The following HEPH variants were observed in gnomAD, a reference collection of about 807,000 sequenced individuals.
HEPH encodes hephaestin.
Under a neutral mutation model 80.8 loss-of-function variants are expected in HEPH, and 69 were observed. That is an observed-to-expected ratio of 0.85 (90% confidence interval 0.70 to 1.04). HEPH has a LOEUF of 1.04. Ranked by LOEUF, HEPH falls within the 50% of genes least tolerant of loss-of-function variation. The pLI, the probability that HEPH is intolerant of heterozygous loss-of-function variation, is 0.00. For missense variants in HEPH, 1,115 were observed against 891.3 expected, an observed-to-expected ratio of 1.25 and a Z score of -3.20; for synonymous variants, 431 against 322.8, an observed-to-expected ratio of 1.34 and a Z score of -3.60.
chrX:66,244,111 C>T (rs1375190299), intron 15 of HEPH, among the ~76,000 whole-genome samples: 2 of 111,389 alleles, frequency 1.8e-5, no homozygotes, highest in Non-Finnish European at 1.9e-5. Context: ...AACATTTTTT[C>T]CTCTATTTTG....
At chrX:66,191,745 T>C (rs1430179007) in intron 6 of HEPH, among the ~76,000 whole-genome samples, 1 of 111,874 alleles carries the variant, frequency 8.9e-6, no homozygotes, top group Non-Finnish European at 1.9e-5. Flanking sequence ...ATTCTCTCCT[T>C]TGGCAAAAGA....
intron 6 of HEPH, among the ~76,000 whole-genome samples, chrX:66,190,609 T>C (rs6624876): frequency 0.37 from 40,574 of 110,842 alleles, 8,033 homozygotes; most frequent in African/African-American, 0.78. Flanking sequence ...ATCCGTAAAA[T>C]GGGAAAGTTG....
intron 15 of HEPH, among the ~76,000 whole-genome samples, chrX:66,214,262 G>C (rs987138564): frequency 8.9e-5 from 10 of 112,142 alleles, no homozygotes; most frequent in African/African-American, 2.9e-4. Context: ...TGGCAGCTTG[G>C]ACCAGCCTGA....
chrX:66,223,948 G>A (rs1002033232), intron 15 of HEPH, among the ~76,000 whole-genome samples: 2 of 111,221 alleles, frequency 1.8e-5, no homozygotes, highest in African/African-American at 6.5e-5. Flanking sequence ...GACTTTCACA[G>A]ACAATTCTTC....
intron 6 of HEPH, among the ~76,000 whole-genome samples, chrX:66,190,831 C>T (rs1411685266): frequency 1.8e-5 from 2 of 111,386 alleles, no homozygotes; most frequent in African/African-American, 6.5e-5. Context: ...CAGGGTATGT[C>T]TTAGCCCCAA....
At chrX:66,222,931 G>C (rs902119124) in intron 15 of HEPH, among the ~76,000 whole-genome samples, 1 of 111,934 alleles carries the variant, frequency 8.9e-6, no homozygotes, top group Non-Finnish European at 1.9e-5. Context: ...AGATGAAAGA[G>C]TTAAATTTTT....
chrX:66,245,340 A>G (rs1437429954), intron 15 of HEPH, among the ~76,000 whole-genome samples: 2 of 111,641 alleles, frequency 1.8e-5, no homozygotes, highest in Non-Finnish European at 1.9e-5. Flanking sequence ...CTAGTCTCTG[A>G]TAAAACAGAC....
intron 15 of HEPH, among the ~76,000 whole-genome samples, chrX:66,252,328 T>C (rs2091032423): frequency 8.9e-6 from 1 of 111,807 alleles, no homozygotes; most frequent in African/African-American, 3.2e-5. Context: ...TGCAGTTGAA[T>C]AAGTCTTGAA....
chrX:66,203,391 G>A lies in HEPH; in HGVS notation c.2105G>A (p.Gly702Asp). ...ACATTTGAGATTTATTGCCAGGCAGGCAGCCATCGAGAAGCAGGGATGAGG... is the reference window on the plus strand; with the variant it reads ...ACATTTGAGATTTATTGCCAGGCAGACAGCCATCGAGAAGCAGGGATGAGG... ...LGTFEIYCQA[G>D]SHREAGMRAI... is the part of the protein sequence containing the mutation. Residue 702 changes from glycine to aspartate, a missense_variant, in exon 13 of 21, where the codon GGC (glycine) becomes GAC (aspartate). Physicochemically the swap from Gly to Asp is moderately conservative, Grantham distance 94. Around this residue, in one of 3 missense-constraint regions of HEPH, gnomAD observed 716 missense variants for 523.5 expected, o/e 1.37. Coordinates refer to ENST00000343002, the MANE Select transcript of HEPH (RefSeq NM_001367233.3). The A allele has an allele frequency of 8.3e-7, 1 of 1,210,127 alleles. No individual in the cohort carries two copies. Among genetic ancestry groups the A allele is most frequent in the Non-Finnish European group, 1.1e-6 (1 of 894,966 alleles).
intron 4 of HEPH, among the ~76,000 whole-genome samples, chrX:66,179,666 T>C (rs962637665): frequency 9.0e-6 from 1 of 111,551 alleles, no homozygotes; most frequent in African/African-American, 3.3e-5. Flanking sequence ...AGTATTGAAG[T>C]CTCCCACTAT....
intron 15 of HEPH, among the ~76,000 whole-genome samples, chrX:66,220,981 A>G (rs1035034672): frequency 3.6e-5 from 4 of 111,742 alleles, no homozygotes; most frequent in African/African-American, 1.3e-4. Context: ...GTCCTACCTC[A>G]GTAACTTGAT....
intron 15 of HEPH, among the ~76,000 whole-genome samples, chrX:66,250,830 T>C (rs2090974021): frequency 8.9e-6 from 1 of 111,845 alleles, no homozygotes. Context: ...AAAGGGAATT[T>C]AGATTTTATC....
chrX:66,173,444 T>C, intron 3 of HEPH, 145 bp from the exon 4 acceptor site: 1 of 437,592 alleles, frequency 2.3e-6, no homozygotes, highest in South Asian at 4.2e-5. Context: ...CTCCTTAGGT[T>C]GTGAGGAATA....
In HEPH at chrX:66,199,155, A is replaced by G; in HGVS notation, c.1864+127A>G. On this transcript the variant is annotated intron_variant, in intron 11 of 20. Transcript: ENST00000343002. ...CATCTCTGTCCAAGAGGCGAGCTAG[A>G]TTGAGAGGCTCAACCGAACACAACA... 8 of 639,210 alleles carry G rather than the reference A, an allele frequency of 1.3e-5. No individual in the cohort carries two copies. The South Asian group carries it at 2.0e-4, about 16-fold the overall frequency. The allele number at this position is 639,210 out of a possible 1,213,427, so 52.7% of individuals were successfully genotyped here. A position where few individuals can be genotyped will look rare whatever the true frequency, so the allele number is the denominator to read the frequency against.
chrX:66,248,013 G>A (rs1258634569), intron 15 of HEPH, among the ~76,000 whole-genome samples: 1 of 110,957 alleles, frequency 9.0e-6, no homozygotes, highest in Non-Finnish European at 1.9e-5. Flanking sequence ...CAAATAATAA[G>A]GCATCTTTTC....
intron 15 of HEPH, among the ~76,000 whole-genome samples, chrX:66,218,929 A>T (rs1161331530): frequency 8.9e-6 from 1 of 112,010 alleles, no homozygotes; most frequent in Non-Finnish European, 1.9e-5. Flanking sequence ...TGTGGATTTC[A>T]TTTCTGCCTT....
Position 66,263,656 on chromosome X carries a change from C to T in HEPH, c.3212C>T (p.Pro1071Leu). ...TCCCCCCAACCAGAACACTTAAGCC[C>T]TCTCACCGTCATCACCAAAGAGACT... ...TVFSRTEHLS[P>L]LTVITKETEK... The change falls in exon 20 of 21, where the codon CCT becomes CTT. Residue 1071 changes from proline (P) to leucine (L), a missense_variant. Pro to Leu is a moderately conservative substitution (Grantham distance 98, BLOSUM62 -3). Around this residue, in one of 3 missense-constraint regions of HEPH, gnomAD observed 716 missense variants for 523.5 expected, o/e 1.37. Coordinates refer to ENST00000343002, the MANE Select transcript of HEPH (RefSeq NM_001367233.3). 8.3e-7 allele frequency: 1 copy of T among 1,210,323 alleles called. No individual in the cohort carries two copies. Among genetic ancestry groups the T allele is most frequent in the Non-Finnish European group, 1.1e-6 (1 of 894,578 alleles).
intron 5 of HEPH, among the ~76,000 whole-genome samples, 187 bp from the exon 6 acceptor site, chrX:66,189,497 G>A (rs1416625581): frequency 9.0e-6 from 1 of 111,580 alleles, no homozygotes; most frequent in Non-Finnish European, 1.9e-5. Flanking sequence ...CTTTTTTAAT[G>A]AGACTAATGA....
chrX:66,207,382 C>T (rs762287261), intron 14 of HEPH, 48 bp downstream of exon 14: 67 of 1,011,779 alleles, frequency 6.6e-5, no homozygotes, highest in Admixed American at 9.2e-5. Context: ...CTGAACTCCA[C>T]CTAGGGAAGC....
Sources: allele counts gnomAD v4.1 joint callset (sites outside exome capture counted in the v4.1 genomes callset), GRCh38; gene constraint gnomAD v4.1.1; regional missense constraint gnomAD v4.1.1; transcripts MANE v1.5; gene names NCBI Gene and HGNC (gene_info 2026-07-23, HGNC 2026-07-21).